Variants in ERBB4 observed in about 807,000 individuals in gnomAD.
The protein encoded by ERBB4 is receptor tyrosine-protein kinase erbB-4.
In ERBB4, 42 loss-of-function variants were observed where a neutral mutation model predicts 158.0. The observed-to-expected ratio is 0.27, with a 90% confidence interval of 0.21 to 0.34. ERBB4 has a LOEUF of 0.34. Among genes scored for constraint, ERBB4 ranks in the 10% least tolerant of loss-of-function variants. ERBB4 has a pLI of 1.00. For synonymous variants in ERBB4, 583 were observed against 558.7 expected (o/e 1.04, Z -0.61); for missense variants, 1,333 against 1,624.1 (o/e 0.82, Z 3.08).
intron 1 of ERBB4, among the ~76,000 whole-genome samples, chr2:212,278,254 T>C (rs946275695): frequency 1.3e-5 from 2 of 151,784 alleles, no homozygotes; most frequent in African/African-American, 2.4e-5. Flanking sequence ...ATTGCCATAA[T>C]ATAAGTGACA....
At chr2:211,717,085 A>G (rs922648482) in intron 7 of ERBB4, among the ~76,000 whole-genome samples, 2 of 152,196 alleles carry the variant, frequency 1.3e-5, no homozygotes, top group African/African-American at 4.8e-5. Flanking sequence ...CTCGGGCTTC[A>G]ACCTAAGGAC....
rs190060188 is a variant in ERBB4 at position 211,798,398 on chromosome 2, T to C, written c.422-10239A>G. On this transcript the variant is annotated intron_variant, in intron 3 of 27. Coordinates refer to ENST00000342788, the MANE Select transcript of ERBB4 (RefSeq NM_005235.3). Reference sequence around the variant, plus strand: ...CTGTGAATATACCACAATTTGTTTATACATTAGTTCACTTTTTAACCATAG... The same window carrying C: ...CTGTGAATATACCACAATTTGTTTACACATTAGTTCACTTTTTAACCATAG... 6.4e-3 allele frequency among the ~76,000 whole-genome samples: 968 copies of C among 152,284 alleles called. 19 individuals carry two copies. Among genetic ancestry groups the C allele is most frequent in the Middle Eastern group, 0.048 (14 of 294 alleles).
intron 5 of ERBB4, among the ~76,000 whole-genome samples, chr2:211,745,711 G>A (rs1305973879): frequency 3.5e-5 from 3 of 86,108 alleles, no homozygotes; most frequent in Admixed American, 1.3e-4. Context: ...ACCCTCCACC[G>A]CCAGAAAAAA....
At chr2:212,359,529 G>A (rs1345169798) in intron 1 of ERBB4, among the ~76,000 whole-genome samples, 1 of 151,702 alleles carries the variant, frequency 6.6e-6, no homozygotes, top group Non-Finnish European at 1.5e-5. Flanking sequence ...GAAGAGCAGA[G>A]GGCTGGCAAA....
chr2:212,200,947 G>A (rs2082571518), intron 1 of ERBB4, among the ~76,000 whole-genome samples: 3 of 152,056 alleles, frequency 2.0e-5, no homozygotes, highest in African/African-American at 7.2e-5. Flanking sequence ...TAGTCAGTAG[G>A]GTAGTGCTTG....
intron 3 of ERBB4, among the ~76,000 whole-genome samples, chr2:211,834,218 A>C (rs139405007): frequency 1.4e-3 from 209 of 152,288 alleles, no homozygotes; most frequent in East Asian, 0.012. Context: ...TGCAAAATCA[A>C]AAACAAAACA....
At chr2:211,657,987 C>G (rs777935256) in intron 15 of ERBB4, 159 bp from the exon 16 acceptor site, 9 of 1,600,208 alleles carry the variant, frequency 5.6e-6, no homozygotes, top group African/African-American at 1.3e-5. Context: ...ATACTTGAGC[C>G]TATGCACCTG....
intron 1 of ERBB4, among the ~76,000 whole-genome samples, chr2:212,255,445 G>C (rs1464858550): frequency 6.6e-6 from 1 of 152,098 alleles, no homozygotes; most frequent in Non-Finnish European, 1.5e-5. Flanking sequence ...TTGTACAAAA[G>C]AGAAACCCAG....
intron 2 of ERBB4, among the ~76,000 whole-genome samples, chr2:212,095,791 C>T (rs570827467): frequency 2.0e-4 from 30 of 151,834 alleles, no homozygotes; most frequent in Non-Finnish European, 4.1e-4. Context: ...AAAAATTAGC[C>T]GGGCGTGGTG....
intron 4 of ERBB4, among the ~76,000 whole-genome samples, chr2:211,787,416 T>C (rs1209308750): frequency 6.6e-6 from 1 of 152,200 alleles, no homozygotes; most frequent in Admixed American, 6.5e-5. Context: ...TTCTTTGTGG[T>C]AGAAAGAATA....
At chr2:212,354,010 G>C (rs1047929874) in intron 1 of ERBB4, among the ~76,000 whole-genome samples, 6 of 152,108 alleles carry the variant, frequency 3.9e-5, no homozygotes, top group African/African-American at 1.4e-4. Flanking sequence ...ATTTCAATGA[G>C]TGAAAAATAA....
chr2:212,353,978 G>A (rs1352796288), intron 1 of ERBB4, among the ~76,000 whole-genome samples: 1 of 152,122 alleles, frequency 6.6e-6, no homozygotes, highest in Non-Finnish European at 1.5e-5. Flanking sequence ...GGATGGAGAA[G>A]AGTAGCTGAC....
intron 19 of ERBB4, among the ~76,000 whole-genome samples, chr2:211,570,325 CTTTTT>C (rs769458178): frequency 9.5e-6 from 1 of 105,222 alleles, no homozygotes; most frequent in African/African-American, 3.9e-5. Context: ...CTAATTTTTG[CTTTTT>C]TTTTTTTTTT....
chr2:212,182,226 A>G (rs1464718937), intron 1 of ERBB4, among the ~76,000 whole-genome samples: 1 of 151,782 alleles, frequency 6.6e-6, no homozygotes, highest in Non-Finnish European at 1.5e-5. Context: ...TTCCATTTTA[A>G]TGATGATGAA....
intron 1 of ERBB4, among the ~76,000 whole-genome samples, chr2:212,374,695 G>A (rs560777997): frequency 4.1e-4 from 63 of 151,972 alleles, no homozygotes; most frequent in African/African-American, 1.2e-3. Flanking sequence ...CAAGAATGGC[G>A]TCAGTTCCAT....
chr2:212,505,087 T>C (rs1184840240), intron 1 of ERBB4, among the ~76,000 whole-genome samples: 2 of 151,958 alleles, frequency 1.3e-5, no homozygotes, highest in African/African-American at 4.8e-5. Context: ...TGTTTTTGTT[T>C]CTTTTGTTTG....
At chr2:211,449,201 G>A (rs1836750) in intron 20 of ERBB4, among the ~76,000 whole-genome samples, 2 of 152,096 alleles carry the variant, frequency 1.3e-5, no homozygotes, top group African/African-American at 4.8e-5. Context: ...TAAAGATAAG[G>A]TGCATTTTCA....
chr2:211,799,615 T>C (rs1316733580), intron 3 of ERBB4, among the ~76,000 whole-genome samples: 2 of 152,178 alleles, frequency 1.3e-5, no homozygotes, highest in East Asian at 3.9e-4. Flanking sequence ...AAGTATGAGA[T>C]AATTTTTGTA....
rs1285368036 is a variant in ERBB4 at position 211,562,136 on chromosome 2, G to C, written c.2302-48C>G. On this transcript the variant is annotated intron_variant, in intron 19 of 27. Transcript: ENST00000342788. ...CATGATTTCAACTCAAATTTTCTTA[G>C]ATTTAGAGTTACTTGGATTGTACTA... 2.6e-6 allele frequency: 4 copies of C among 1,527,380 alleles called. No individual in the cohort carries two copies. The East Asian group carries it at 9.0e-5, about 34-fold the overall frequency. The allele number at this position is 1,527,380 out of a possible 1,614,324, so 94.6% of individuals were successfully genotyped here. A position where few individuals can be genotyped will look rare whatever the true frequency, so the allele number is the denominator to read the frequency against.
Sources: allele counts gnomAD v4.1 joint callset (sites outside exome capture counted in the v4.1 genomes callset), GRCh38; gene constraint gnomAD v4.1.1; transcripts MANE v1.5; gene names NCBI Gene and HGNC (gene_info 2026-07-23, HGNC 2026-07-21).